Variants in U2SURP observed in about 807,000 individuals in gnomAD.
The protein encoded by U2SURP is U2 snRNP-associated SURP motif-containing protein.
Under a neutral mutation model 144.9 loss-of-function variants are expected in U2SURP, and 9 were observed. The ratio of observed to expected loss-of-function variants is 0.06; its 90% CI spans 0.04 to 0.11. The LOEUF (loss-of-function observed/expected upper bound fraction) is 0.11, where lower values mean the gene tolerates loss of function less well. Among genes scored for constraint, U2SURP ranks in the 10% least tolerant of loss-of-function variants. U2SURP has a pLI of 1.00. For missense variants in U2SURP, 724 were observed against 1,226.7 expected (o/e 0.59, Z 6.12); for synonymous variants, 408 against 396.8 (o/e 1.03, Z -0.33).
At chr3:143,002,010 C>A (rs891594313) in intron 1 of U2SURP, among the ~76,000 whole-genome samples, 13 of 152,344 alleles carry the variant, frequency 8.5e-5, no homozygotes, top group African/African-American at 2.6e-4. Flanking sequence ...CTGAGGCCGC[C>A]AGACAGCGCC....
intron 24 of U2SURP, among the ~76,000 whole-genome samples, chr3:143,044,289 C>CTT (rs56916268): frequency 2.5e-5 from 2 of 81,388 alleles, no homozygotes; most frequent in African/African-American, 1.2e-4. Context: ...CTCCCCTCTC[C>CTT]TTTTTTTTTT....
intron 16 of U2SURP, among the ~76,000 whole-genome samples, chr3:143,032,427 A>G (rs1933555933): frequency 6.6e-6 from 1 of 152,214 alleles, no homozygotes; most frequent in Admixed American, 6.5e-5. Context: ...GAAGTGTTAA[A>G]GTAATAGACT....
At chr3:143,002,867 T>C (rs1168153238) in intron 1 of U2SURP, among the ~76,000 whole-genome samples, 1 of 152,218 alleles carries the variant, frequency 6.6e-6, no homozygotes, top group Non-Finnish European at 1.5e-5. Flanking sequence ...CAGTTTCGGC[T>C]TCTTTACAAG....
chr3:143,020,048 A>G lies in U2SURP; in HGVS notation c.638+12A>G, dbSNP rs970642610. 6 of 1,455,862 alleles carry G rather than the reference A, an allele frequency of 4.1e-6. No individual in the cohort carries two copies. Among genetic ancestry groups the G allele is most frequent in the East Asian group, 2.5e-5 (1 of 39,626 alleles). 90.2% of individuals were successfully genotyped at this position (1,455,862 alleles called of 1,614,324 possible). A position where few individuals can be genotyped will look rare whatever the true frequency, so the allele number is the denominator to read the frequency against. ...GAAGAATTAAAGCAGTAAGTTTTAT[A>G]GTGTGGAGAATAACTATCATAGGTG... On this transcript the variant is annotated intron_variant, in intron 7 of 27. Transcript: ENST00000473835.
intron 16 of U2SURP, among the ~76,000 whole-genome samples, chr3:143,029,269 G>A (rs554846942): frequency 9.9e-5 from 15 of 152,148 alleles, no homozygotes; most frequent in African/African-American, 3.1e-4. Flanking sequence ...GTTTTATTGC[G>A]CTTTGACTTA....
At chr3:143,022,121 CTTTAA>C (rs1385321750) in intron 10 of U2SURP, among the ~76,000 whole-genome samples, 2 of 152,128 alleles carry the variant, frequency 1.3e-5, no homozygotes, top group Non-Finnish European at 2.9e-5. Context: ...CATATTTCCT[CTTTAA>C]TTTAAATGTA....
chr3:143,012,097 A>T, intron 2 of U2SURP, 125 bp from the exon 3 acceptor site: 2 of 1,204,568 alleles, frequency 1.7e-6, no homozygotes, highest in South Asian at 2.7e-5. Flanking sequence ...ATATTAAGGG[A>T]TGTGATATTT....
Position 143,023,027 on chromosome 3 carries a change from T to G in U2SURP, c.1193T>G (p.Met398Arg). 1 of 1,609,548 alleles carries G rather than the reference T, an allele frequency of 6.2e-7. No homozygotes were observed. The highest frequency in any genetic ancestry group is 1.1e-5 in the South Asian group (1 of 89,892). Residue 398 changes from methionine (M) to arginine (R), a missense_variant, in exon 12 of 28, where the codon ATG becomes AGG. Met to Arg is a moderately conservative substitution (Grantham distance 91). Around this residue, in one of 13 missense-constraint regions of U2SURP, gnomAD observed 64 missense variants for 164.1 expected, o/e 0.39. Coordinates refer to ENST00000473835, the MANE Select transcript of U2SURP (RefSeq NM_001080415.2). ...RERLKNPNAP[M>R]LPPPKNKEDF... ...CGGTTAAAAAACCCTAATGCTCCTATGTTACCGCCACCTAAAAACAAAGAG... is the reference window on the plus strand; with the variant it reads ...CGGTTAAAAAACCCTAATGCTCCTAGGTTACCGCCACCTAAAAACAAAGAG...
At chr3:143,041,488 G>T (rs1934101462) in intron 23 of U2SURP, among the ~76,000 whole-genome samples, 1 of 151,940 alleles carries the variant, frequency 6.6e-6, no homozygotes, top group Non-Finnish European at 1.5e-5. Flanking sequence ...TTCTGAAGAT[G>T]AAGTTAGTAA....
At chr3:143,036,595 G>T (rs1933823363) in intron 20 of U2SURP, among the ~76,000 whole-genome samples, 1 of 151,966 alleles carries the variant, frequency 6.6e-6, no homozygotes, top group Non-Finnish European at 1.5e-5. Flanking sequence ...ACTCCTGCAG[G>T]ATCTTCCTAA....
At chr3:143,043,514 T>C (rs1934230428) in intron 24 of U2SURP, among the ~76,000 whole-genome samples, 1 of 152,180 alleles carries the variant, frequency 6.6e-6, no homozygotes, top group South Asian at 2.1e-4. Flanking sequence ...TGATTTTATA[T>C]GTATTGTGGG....
chr3:143,054,764 A>C (rs1430006831), intron 26 of U2SURP, among the ~76,000 whole-genome samples, 179 bp from the exon 27 acceptor site: 3 of 152,222 alleles, frequency 2.0e-5, no homozygotes, highest in Non-Finnish European at 2.9e-5. Context: ...TCTCTTGACA[A>C]CCTATCTTTA....
chr3:143,051,196 T>G (rs1464149717), intron 25 of U2SURP, 147 bp downstream of exon 25: 6 of 535,892 alleles, frequency 1.1e-5, no homozygotes, highest in Non-Finnish European at 2.0e-5. Flanking sequence ...CATTTGAAAT[T>G]TGATATTTTA....
intron 6 of U2SURP, chr3:143,017,344 C>G (rs1452654590): frequency 6.3e-6 from 1 of 158,108 alleles, no homozygotes; most frequent in Non-Finnish European, 1.4e-5. Flanking sequence ...GTGTATATTT[C>G]CCAGAACATT....
intron 24 of U2SURP, among the ~76,000 whole-genome samples, chr3:143,050,618 G>A (rs960378417): frequency 2.6e-5 from 4 of 152,088 alleles, no homozygotes; most frequent in East Asian, 1.9e-4. Flanking sequence ...TGCTGGCAGT[G>A]TGCGTGTCTT....
At chr3:143,003,637 T>C (rs1352736966) in intron 1 of U2SURP, among the ~76,000 whole-genome samples, 1 of 150,872 alleles carries the variant, frequency 6.6e-6, no homozygotes, top group African/African-American at 2.4e-5. Context: ...TCAGCTGTCA[T>C]AATGACTGCC....
intron 1 of U2SURP, among the ~76,000 whole-genome samples, chr3:143,010,519 A>G (rs1936069910): frequency 1.3e-5 from 2 of 152,202 alleles, no homozygotes; most frequent in African/African-American, 2.4e-5. Context: ...AAAACTGTGT[A>G]AAAATGGTGG....
intron 16 of U2SURP, among the ~76,000 whole-genome samples, chr3:143,030,572 C>T (rs910399080): frequency 6.6e-6 from 1 of 152,184 alleles, no homozygotes; most frequent in African/African-American, 2.4e-5. Context: ...GTTTTCATGC[C>T]TGTTAACACA....
intron 2 of U2SURP, 161 bp from the exon 3 acceptor site, chr3:143,012,061 G>C (rs1278087923): frequency 4.4e-6 from 4 of 911,168 alleles, no homozygotes; most frequent in Non-Finnish European, 6.9e-6. Context: ...CTGTTCTTAA[G>C]AACTTTTTTG....
Sources: allele counts gnomAD v4.1 joint callset (sites outside exome capture counted in the v4.1 genomes callset), GRCh38; gene constraint gnomAD v4.1.1; regional missense constraint gnomAD v4.1.1; transcripts MANE v1.5; gene names NCBI Gene and HGNC (gene_info 2026-07-23, HGNC 2026-07-21).